NRDC: variants seen among roughly 807,000 people sequenced by gnomAD.
NRDC encodes the protein nardilysin convertase, also known as nardilysin.
NRDC carries 54 observed loss-of-function variants against 147.1 expected under a neutral mutation model. The observed-to-expected ratio is 0.37, with a 90% CI of 0.29 to 0.46. NRDC has a LOEUF of 0.46. Ranked by LOEUF, NRDC falls within the 20% of genes least tolerant of loss-of-function variation. The probability of loss-of-function intolerance (pLI) is 1.00; values close to 1 mark genes in which losing one functional copy is unlikely to be tolerated. For synonymous variants in NRDC, 440 were observed against 482.1 expected (o/e 0.91, Z 1.14); for missense variants, 1,082 against 1,370.6 (o/e 0.79, Z 3.33).
intron 22 of NRDC, 153 bp from the exon 23 acceptor site, chr1:51,795,007 TTGAC>T: frequency 6.7e-7 from 1 of 1,502,624 alleles, no homozygotes; most frequent in Non-Finnish European, 8.9e-7. Flanking sequence ...AAGTTATTCA[TTGAC>T]TGATTCAAGA....
At chr1:51,817,741 C>T (rs1312525638) in intron 10 of NRDC, among the ~76,000 whole-genome samples, 4 of 152,114 alleles carry the variant, frequency 2.6e-5, no homozygotes, top group East Asian at 1.9e-4. Context: ...GACAGGGTTT[C>T]GCTATGTTGG....
intron 1 of NRDC, chr1:51,877,875 C>T: frequency 3.1e-6 from 1 of 323,134 alleles, no homozygotes; most frequent in South Asian, 9.0e-5. Flanking sequence ...AAGTGTCCCT[C>T]AAATATTTTG....
intron 2 of NRDC, chr1:51,837,706 C>G: frequency 9.2e-7 from 1 of 1,081,648 alleles, no homozygotes; most frequent in Non-Finnish European, 1.2e-6. Flanking sequence ...ATTAAGAAAG[C>G]CCTGAACAAA....
rs771047409 is a variant in NRDC, at chr1:51,825,272, T to C, written c.1036+15A>G. 2 of 1,373,832 alleles carry C rather than the reference T, an allele frequency of 1.5e-6. No homozygotes were observed. Among genetic ancestry groups the C allele is most frequent in the South Asian group, 1.2e-5 (1 of 81,810 alleles). 85.1% of individuals were successfully genotyped at this position (1,373,832 alleles called of 1,614,324 possible). On this transcript the variant is annotated intron_variant, in intron 6 of 30. Coordinates refer to ENST00000352171, the MANE Select transcript of NRDC (RefSeq NM_001101662.2). The stretch of plus-strand genomic sequence containing the variant: ...CTAGAAAATATGAAATAAGATGATG[T>C]ATTTAGTATCTTACCCCAAAAAAAT...
chr1:51,797,252 G>C (rs1391136152), intron 22 of NRDC, among the ~76,000 whole-genome samples: 1 of 152,018 alleles, frequency 6.6e-6, no homozygotes, highest in Non-Finnish European at 1.5e-5. Context: ...ACACTGTTGT[G>C]CAGTAGATTA....
At chr1:51,847,825 G>A (rs904246500) in intron 1 of NRDC, among the ~76,000 whole-genome samples, 15 of 152,262 alleles carry the variant, frequency 9.9e-5, no homozygotes, top group East Asian at 7.7e-4. Flanking sequence ...ACAGTGCAGC[G>A]GCGGCCTGAA....
intron 1 of NRDC, among the ~76,000 whole-genome samples, chr1:51,863,511 T>C (rs1268915236): frequency 2.6e-5 from 4 of 152,210 alleles, no homozygotes; most frequent in African/African-American, 9.6e-5. Context: ...TCAAGAATGA[T>C]GTTTGAATCA....
chr1:51,820,430 A>T (rs915176081), intron 8 of NRDC, among the ~76,000 whole-genome samples: 1 of 152,302 alleles, frequency 6.6e-6, no homozygotes, highest in East Asian at 1.9e-4. Context: ...TAAGGAACCA[A>T]AGTTATTAGT....
At chr1:51,846,053 GGTAAT>G (rs1681554342) in intron 1 of NRDC, among the ~76,000 whole-genome samples, 1 of 151,678 alleles carries the variant, frequency 6.6e-6, no homozygotes, top group Non-Finnish European at 1.5e-5. Flanking sequence ...CAAATGGAAT[GGTAAT>G]GTATATATCT....
At chr1:51,844,971 T>C (rs1345750770) in intron 1 of NRDC, among the ~76,000 whole-genome samples, 1 of 152,174 alleles carries the variant, frequency 6.6e-6, no homozygotes, top group East Asian at 1.9e-4. Flanking sequence ...TATTTTGTTA[T>C]GGCAGCCTTA....
chr1:51,828,398 T>C (rs1680539388), intron 4 of NRDC, among the ~76,000 whole-genome samples: 1 of 152,216 alleles, frequency 6.6e-6, no homozygotes, highest in Non-Finnish European at 1.5e-5. Context: ...TGTATATCCA[T>C]GTTTTTATAG....
Position 51,840,539 on chromosome 1 carries a change from A to T in NRDC, c.342-25T>A, listed in dbSNP as rs751482609. The T allele has an allele frequency of 2.0e-6, 3 of 1,502,744 alleles. No individual in the cohort carries two copies. The East Asian group carries it at 6.8e-5, about 34-fold the overall frequency. 93.1% of individuals were successfully genotyped at this position (1,502,744 alleles called of 1,614,324 possible). Reference sequence around the variant, plus strand: ...TCTGGGGGGAGAAAAAAAAAATCACACATTTTGATTCAGCTGTTCTTTACA... The same window carrying T: ...TCTGGGGGGAGAAAAAAAAAATCACTCATTTTGATTCAGCTGTTCTTTACA... On this transcript the variant is annotated intron_variant, in intron 1 of 30. Transcript: ENST00000352171.
chr1:51,859,779 G>C (rs1371923195), intron 1 of NRDC: 1 of 152,352 alleles, frequency 6.6e-6, no homozygotes, highest in Non-Finnish European at 1.5e-5. Context: ...ATATTTCTAA[G>C]TATTTAGAAA....
At chr1:51,850,418 T>C (rs1205257077) in intron 1 of NRDC, among the ~76,000 whole-genome samples, 3 of 140,056 alleles carry the variant, frequency 2.1e-5, no homozygotes, top group African/African-American at 7.4e-5. Flanking sequence ...CTTCAACATA[T>C]ATAAATTCCA....
At chr1:51,822,363 T>C (rs1039639437) in intron 7 of NRDC, among the ~76,000 whole-genome samples, 11 of 152,258 alleles carry the variant, frequency 7.2e-5, no homozygotes, top group African/African-American at 2.2e-4. Flanking sequence ...CTATGAAATC[T>C]ACATTGTACA....
intron 9 of NRDC, 100 bp downstream of exon 9, chr1:51,819,700 T>C (rs1680127148): frequency 1.1e-6 from 1 of 900,528 alleles, no homozygotes; most frequent in Admixed American, 2.3e-5. Flanking sequence ...CTGTATTTTC[T>C]GTTGTGTTCT....
chr1:51,872,063 G>A (rs2124135489), intron 1 of NRDC, among the ~76,000 whole-genome samples: 1 of 152,290 alleles, frequency 6.6e-6, no homozygotes, highest in African/African-American at 2.4e-5. Context: ...TAGAGACAGG[G>A]TTTCACCATG....
intron 1 of NRDC, among the ~76,000 whole-genome samples, chr1:51,852,845 A>G (rs1156748116): frequency 6.6e-6 from 1 of 152,144 alleles, no homozygotes; most frequent in South Asian, 2.1e-4. Context: ...ACCTATAGAT[A>G]TATCATCTGA....
chr1:51,809,319 G>A lies in NRDC; in HGVS notation c.1986C>T (p.Tyr662=), dbSNP rs1041589511. 27 of 1,610,412 alleles carry A rather than the reference G, an allele frequency of 1.7e-5. No individual in the cohort carries two copies. The highest frequency in any genetic ancestry group is 1.0e-4 in the Admixed American group (6 of 60,020). ...PDLHLPAENK[Y]IATDFTLKAF... ...AAAAATTGCTATTTTACTGACCTAT[G>A]TACTTGTTTTCAGCTGGAAGATGAA... The change falls in exon 17 of 31, where the codon TAC becomes TAT. Residue 662 remains tyrosine, a synonymous_variant. Coordinates refer to ENST00000352171, the MANE Select transcript of NRDC (RefSeq NM_001101662.2).
Sources: allele counts gnomAD v4.1 joint callset (sites outside exome capture counted in the v4.1 genomes callset), GRCh38; gene constraint gnomAD v4.1.1; transcripts MANE v1.5; gene names NCBI Gene and HGNC (gene_info 2026-07-23, HGNC 2026-07-21).